LMX1A: variants seen among roughly 807,000 people sequenced by gnomAD.
LMX1A encodes the protein LIM homeobox transcription factor 1 alpha, also known as LIM homeobox transcription factor 1-alpha.
LMX1A carries 15 observed loss-of-function variants against 49.1 expected under a neutral mutation model. The observed-to-expected ratio is 0.31, with a 90% CI of 0.20 to 0.47. The LOEUF is 0.47. Ranked by LOEUF, LMX1A falls within the 20% of genes least tolerant of loss-of-function variation. LMX1A has a pLI of 1.00. For synonymous variants in LMX1A, 167 were observed against 185.7 expected (o/e 0.90, Z 0.82); for missense variants, 372 against 475.8 (o/e 0.78, Z 2.03).
intron 3 of LMX1A, among the ~76,000 whole-genome samples, chr1:165,271,848 G>T (rs1362142339): frequency 1.3e-5 from 2 of 152,148 alleles, no homozygotes; most frequent in Non-Finnish European, 2.9e-5. Flanking sequence ...GTAGCTGGGG[G>T]CAGAATAAGA....
intron 3 of LMX1A, among the ~76,000 whole-genome samples, chr1:165,278,448 C>T (rs1369715634): frequency 1.3e-5 from 2 of 152,228 alleles, no homozygotes; most frequent in Admixed American, 1.3e-4. Flanking sequence ...GGAGTAACCT[C>T]TTTCTCACAT....
intron 3 of LMX1A, among the ~76,000 whole-genome samples, chr1:165,331,563 GA>G (rs1399809614): frequency 6.6e-6 from 1 of 152,152 alleles, no homozygotes; most frequent in African/African-American, 2.4e-5. Context: ...TGGCAGATTG[GA>G]AATGACAAAA....
At chr1:165,292,800 G>A (rs545999709) in intron 3 of LMX1A, among the ~76,000 whole-genome samples, 3 of 152,210 alleles carry the variant, frequency 2.0e-5, no homozygotes, top group African/African-American at 7.2e-5. Context: ...CTTTACCCAC[G>A]TGTCACATTC....
intron 3 of LMX1A, among the ~76,000 whole-genome samples, chr1:165,344,441 A>G (rs554356630): frequency 3.3e-5 from 5 of 152,292 alleles, no homozygotes; most frequent in Admixed American, 2.6e-4. Flanking sequence ...GTTTAAAAGG[A>G]TTTGTTCCAC....
intron 3 of LMX1A, among the ~76,000 whole-genome samples, chr1:165,281,730 T>TTGTGTGTGTGTGTGTATGTG (rs1654154460): frequency 2.0e-5 from 3 of 149,642 alleles, no homozygotes; most frequent in East Asian, 2.0e-4. Flanking sequence ...AGGCAATATT[T>TTGTGTGTGTGTGTGTATGTG]TGTGTGTGTG....
intron 3 of LMX1A, among the ~76,000 whole-genome samples, chr1:165,268,134 T>G (rs1449139475): frequency 2.0e-5 from 3 of 151,964 alleles, no homozygotes; most frequent in Non-Finnish European, 4.4e-5. Flanking sequence ...GTGGAGTGAG[T>G]GTCAGCCTTA....
At chr1:165,296,484 C>T (rs1337763572) in intron 3 of LMX1A, among the ~76,000 whole-genome samples, 4 of 152,230 alleles carry the variant, frequency 2.6e-5, no homozygotes, top group African/African-American at 9.6e-5. Flanking sequence ...GCATGTGGCT[C>T]AGTGGAGAAG....
chr1:165,232,458 G>C (rs144822623), intron 4 of LMX1A, among the ~76,000 whole-genome samples: 163 of 152,310 alleles, frequency 1.1e-3, no homozygotes, highest in African/African-American at 2.7e-3. Flanking sequence ...ATTCTGGAGA[G>C]CCATGAGACA....
rs200303223 is a variant in LMX1A, at chr1:165,213,716, C to A, written c.594G>T (p.Pro198=). ...TCTGTTGAGTTGTCAAGATGGTTCT[C>A]GGACGTTTGGGGCGCTTATGGTCCT... is the stretch of plus-strand genomic sequence containing the variant. ...EGKDHKRPKR[P]RTILTTQQRR... The change falls in exon 5 of 9, where the codon CCG becomes CCT. Residue 198 remains proline, a synonymous_variant. Transcript: ENST00000342310. The A allele has an allele frequency of 3.7e-6, 6 of 1,614,218 alleles. No individual in the cohort carries two copies. The highest frequency in any genetic ancestry group is 5.1e-6 in the Non-Finnish European group (6 of 1,180,030).
intron 3 of LMX1A, among the ~76,000 whole-genome samples, chr1:165,323,738 T>C (rs894593396): frequency 1.3e-5 from 2 of 152,220 alleles, no homozygotes; most frequent in Non-Finnish European, 2.9e-5. Context: ...TCCTTCATGA[T>C]AAGTCCTTGC....
intron 5 of LMX1A, chr1:165,213,414 T>G: frequency 2.2e-6 from 1 of 450,584 alleles, no homozygotes; most frequent in Non-Finnish European, 3.9e-6. Flanking sequence ...ACAGGGGCCA[T>G]TTGGAGTTGG....
rs555492634 is a variant in LMX1A at position 165,239,551 on chromosome 1, A to T, written c.496+9857T>A. Among the ~76,000 whole-genome samples, 4 of 152,354 alleles carry T rather than the reference A, an allele frequency of 2.6e-5. No individual in the cohort carries two copies. The South Asian group carries it at 8.3e-4, about 32-fold the overall frequency. On this transcript the variant is annotated intron_variant, in intron 4 of 8. Transcript: ENST00000342310. ...GCATAGAAAAGAAATGCTGAGCCTC[A>T]AACTAAGAGCAACAAACAATTCCGG...
intron 4 of LMX1A, among the ~76,000 whole-genome samples, chr1:165,221,472 C>G (rs1002890578): frequency 2.0e-5 from 3 of 152,170 alleles, no homozygotes; most frequent in African/African-American, 7.2e-5. Flanking sequence ...AAGCACCGTG[C>G]ACTAAGCACT....
At chr1:165,262,033 T>C (rs1292161119) in intron 3 of LMX1A, among the ~76,000 whole-genome samples, 1 of 152,198 alleles carries the variant, frequency 6.6e-6, no homozygotes, top group African/African-American at 2.4e-5. Flanking sequence ...ATGTTAGGTG[T>C]ATTTTACCAT....
At chr1:165,232,509 AT>A (rs1046807379) in intron 4 of LMX1A, among the ~76,000 whole-genome samples, 1 of 152,064 alleles carries the variant, frequency 6.6e-6, no homozygotes, top group Non-Finnish European at 1.5e-5. Flanking sequence ...ACATTTCCAT[AT>A]TTTTTTTCAG....
intron 3 of LMX1A, among the ~76,000 whole-genome samples, chr1:165,285,999 G>C (rs1654294325): frequency 6.6e-6 from 1 of 152,194 alleles, no homozygotes; most frequent in Non-Finnish European, 1.5e-5. Flanking sequence ...GAGACTCATA[G>C]GCTAAAATCC....
chr1:165,203,736 C>G lies in LMX1A; in HGVS notation c.*144G>C. ...CAGTCTTTGGAAATGCTGAGCTACA[C>G]CATATCATTATACAACAGCATCCCC... On this transcript the variant is annotated 3_prime_UTR_variant, in exon 9 of 9. Transcript: ENST00000342310. 1.6e-6 allele frequency: 1 copy of G among 641,766 alleles called. No individual in the cohort carries two copies. 39.8% of individuals were successfully genotyped at this position (641,766 alleles called of 1,614,324 possible). A position where few individuals can be genotyped will look rare whatever the true frequency, so the allele number is the denominator to read the frequency against.
chr1:165,297,825 C>A (rs1378417758), intron 3 of LMX1A, among the ~76,000 whole-genome samples: 1 of 152,170 alleles, frequency 6.6e-6, no homozygotes, highest in East Asian at 1.9e-4. Context: ...GCCCCATCAT[C>A]GGCATCAATG....
intron 5 of LMX1A, 147 bp from the exon 6 acceptor site, chr1:165,210,923 C>T (rs1394283310): frequency 2.5e-5 from 11 of 441,446 alleles, no homozygotes; most frequent in Middle Eastern, 9.7e-4. Context: ...CACACAAACA[C>T]GAGAACATTG....
Sources: allele counts gnomAD v4.1 joint callset (sites outside exome capture counted in the v4.1 genomes callset), GRCh38; gene constraint gnomAD v4.1.1; transcripts MANE v1.5; gene names NCBI Gene and HGNC (gene_info 2026-07-23, HGNC 2026-07-21).